The following PEAK1 variants were observed in gnomAD, a reference collection of about 807,000 sequenced individuals.
The protein encoded by PEAK1 is pseudopodium enriched atypical kinase 1.
In PEAK1, 54 loss-of-function variants were observed where a neutral mutation model predicts 124.7. The ratio of observed to expected loss-of-function variants is 0.43; its 90% CI spans 0.35 to 0.54. PEAK1 has a LOEUF of 0.54. Ranked by LOEUF, PEAK1 falls within the 20% of genes least tolerant of loss-of-function variation. The probability of loss-of-function intolerance (pLI) is 0.01; values close to 1 mark genes in which losing one functional copy is unlikely to be tolerated. For missense variants in PEAK1, 2,046 were observed against 2,134.5 expected (o/e 0.96, Z 0.82); for synonymous variants, 719 against 760.0 (o/e 0.95, Z 0.89).
intron 5 of PEAK1, among the ~76,000 whole-genome samples, chr15:77,253,172 G>A (rs1210475048): frequency 6.8e-6 from 1 of 146,116 alleles, no homozygotes; most frequent in Non-Finnish European, 1.5e-5. Flanking sequence ...TATACAAGAG[G>A]ATGTATATAG....
Position 77,114,438 on chromosome 15 carries a change from C to T in PEAK1, c.4959G>A (p.Arg1653=), listed in dbSNP as rs2051171469. Residue 1653 remains arginine (R), a synonymous_variant, in exon 10 of 10, where the codon CGG becomes CGA. Coordinates refer to ENST00000682557, the MANE Select transcript of PEAK1 (RefSeq NM_001385026.1). ...SCLLNPNPSE[R]ILISDAKGIL... Reference sequence around the variant, plus strand: ...TGCCTTTGGCGTCTGAAATGAGGATCCGCTCAGAAGGGTTGGGATTCAGGA... The same window carrying T: ...TGCCTTTGGCGTCTGAAATGAGGATTCGCTCAGAAGGGTTGGGATTCAGGA... 1 of 1,614,012 alleles carries T rather than the reference C, an allele frequency of 6.2e-7. No individual in the cohort carries two copies. Among genetic ancestry groups the T allele is most frequent in the African/African-American group, 1.3e-5 (1 of 74,892 alleles).
chr15:77,194,882 A>C (rs2058028325), intron 6 of PEAK1, among the ~76,000 whole-genome samples: 1 of 152,198 alleles, frequency 6.6e-6, no homozygotes, highest in South Asian at 2.1e-4. Flanking sequence ...AAATAGCCCT[A>C]TATCCCTTAA....
chr15:77,234,778 G>C (rs1596770554), intron 6 of PEAK1, among the ~76,000 whole-genome samples: 2 of 152,040 alleles, frequency 1.3e-5, no homozygotes, highest in South Asian at 4.2e-4. Flanking sequence ...TAGGACTACA[G>C]GTATGGACCA....
chr15:77,290,335 G>A (rs1004619708), intron 2 of PEAK1, among the ~76,000 whole-genome samples: 1 of 152,136 alleles, frequency 6.6e-6, no homozygotes, highest in Non-Finnish European at 1.5e-5. Flanking sequence ...ATGTTGGCTG[G>A]TCTCAAACTC....
chr15:77,417,128 C>T (rs1379882533), intron 1 of PEAK1, among the ~76,000 whole-genome samples: 3 of 152,062 alleles, frequency 2.0e-5, no homozygotes, highest in Admixed American at 2.0e-4. Flanking sequence ...AGCTACCCCT[C>T]CTCTGTGCTT....
At chr15:77,350,907 A>T in intron 2 of PEAK1, 2 of 985,400 alleles carry the variant, frequency 2.0e-6, no homozygotes, top group Non-Finnish European at 2.4e-6. Flanking sequence ...TACTACAAAC[A>T]TGGCCCTCTA....
intron 3 of PEAK1, 82 bp downstream of exon 3, chr15:77,286,341 T>G: frequency 2.7e-6 from 2 of 727,424 alleles, no homozygotes; most frequent in Non-Finnish European, 3.8e-6. Flanking sequence ...ATTAGATTTT[T>G]GCTGAAATAA....
intron 5 of PEAK1, among the ~76,000 whole-genome samples, chr15:77,255,036 T>G (rs940590593): frequency 6.6e-5 from 10 of 152,186 alleles, no homozygotes; most frequent in African/African-American, 2.2e-4. Flanking sequence ...AAGTTGAAAT[T>G]GAATAAAATG....
intron 2 of PEAK1, chr15:77,337,717 A>C: frequency 1.0e-6 from 1 of 985,348 alleles, no homozygotes; most frequent in South Asian, 4.7e-5. Flanking sequence ...TTATTATTAT[A>C]GCACAGTTAT....
chr15:77,179,217 CTG>C lies in PEAK1; in HGVS notation c.2708_2709del (p.Thr903ArgfsTer3). 1 of 1,614,182 alleles carries C rather than the reference CTG, an allele frequency of 6.2e-7. No individual in the cohort carries two copies. The highest frequency in any genetic ancestry group is 1.3e-5 in the African/African-American group (1 of 75,050). The part of the protein sequence containing the change: ...WTKPTSPTRS[T>X]EAESVLHSEG... ...TCAGAGTGCAAAACTGATTCAGCTT[CTG>C]TTGACCTGGTAGGGCTGGTTGGCTT... On this transcript the variant is annotated frameshift_variant, in exon 7 of 10. Transcript: ENST00000682557. LOFTEE classifies it high-confidence loss of function.
chr15:77,127,270 C>T (rs575510678), intron 9 of PEAK1, among the ~76,000 whole-genome samples: 4 of 152,296 alleles, frequency 2.6e-5, no homozygotes, highest in East Asian at 1.9e-4. Context: ...CTTCCAGCCT[C>T]CATAACTGTG....
intron 2 of PEAK1, among the ~76,000 whole-genome samples, chr15:77,293,272 T>A (rs544578394): frequency 6.6e-6 from 1 of 152,342 alleles, no homozygotes; most frequent in East Asian, 1.9e-4. Flanking sequence ...TGTTCTCTTT[T>A]AAAAACCCAA....
rs200299561 is a variant in PEAK1 at position 77,279,093 on chromosome 15, GCT to G, written c.-275+4788_-275+4789del. On this transcript the variant is annotated intron_variant, in intron 5 of 9. Coordinates refer to ENST00000682557, the MANE Select transcript of PEAK1 (RefSeq NM_001385026.1). ...ACCGGCTGCCTCAGCCTCCCAAGGT[GCT>G]CGTGTGTGCGTGTGTGTGTGTGTGT... Among the ~76,000 whole-genome samples, 627 of 132,478 alleles carry G rather than the reference GCT, an allele frequency of 4.7e-3. 1 individual carries two copies. The highest frequency in any genetic ancestry group is 0.014 in the African/African-American group (534 of 36,898). The allele number at this position is 132,478 out of a possible 152,430, so 86.9% of individuals were successfully genotyped here.
At chr15:77,392,922 C>G (rs1484921695) in intron 1 of PEAK1, among the ~76,000 whole-genome samples, 2 of 152,220 alleles carry the variant, frequency 1.3e-5, no homozygotes, top group African/African-American at 2.4e-5. Context: ...CCTCCCTCCC[C>G]CATCCTGTGT....
intron 1 of PEAK1, among the ~76,000 whole-genome samples, chr15:77,386,007 T>C (rs979289354): frequency 2.0e-5 from 3 of 152,190 alleles, no homozygotes; most frequent in Non-Finnish European, 4.4e-5. Flanking sequence ...TTCATGAAGA[T>C]AAAAATGGTA....
chr15:77,245,554 C>T (rs2060543311), intron 6 of PEAK1, among the ~76,000 whole-genome samples: 1 of 151,946 alleles, frequency 6.6e-6, no homozygotes, highest in African/African-American at 2.4e-5. Flanking sequence ...CAAAAATTAG[C>T]CGGGCGTGGT....
At chr15:77,402,780 A>G in intron 1 of PEAK1, 2 of 985,390 alleles carry the variant, frequency 2.0e-6, no homozygotes, top group Non-Finnish European at 2.4e-6. Flanking sequence ...GCCATTTTAT[A>G]TGAATCTTGC....
intron 7 of PEAK1, among the ~76,000 whole-genome samples, chr15:77,167,964 A>G (rs1302799806): frequency 6.6e-6 from 1 of 151,082 alleles, no homozygotes; most frequent in Non-Finnish European, 1.5e-5. Flanking sequence ...TTCAATTCCC[A>G]CTTATGAGTG....
intron 2 of PEAK1, chr15:77,346,168 A>G (rs1371213007): frequency 1.0e-6 from 1 of 978,438 alleles, no homozygotes. Flanking sequence ...ACCAATAAAT[A>G]AATTATTAAA....
Sources: gnomAD v4.1 joint callset for allele counts (sites outside exome capture counted in the v4.1 genomes callset) on GRCh38, gnomAD v4.1.1 for gene constraint, MANE v1.5 for transcripts, NCBI Gene and HGNC (gene_info 2026-07-23, HGNC 2026-07-21) for gene names.